Variants in PRKDC observed in about 807,000 individuals in gnomAD.
PRKDC encodes the protein protein kinase, DNA-activated, catalytic subunit.
Under a neutral mutation model 486.9 loss-of-function variants are expected in PRKDC, and 82 were observed. That is an observed-to-expected ratio of 0.17 (90% CI 0.14 to 0.20). The LOEUF is 0.20. PRKDC is among the 10% of genes least tolerant of loss of function. The pLI is 1.00. For missense variants in PRKDC, 4,504 were observed against 5,038.2 expected (o/e 0.89, Z 3.21); for synonymous variants, 1,895 against 1,837.0 (o/e 1.03, Z -0.81).
At chr8:47,835,320 T>C (rs1167921591) in intron 58 of PRKDC, among the ~76,000 whole-genome samples, 2 of 152,164 alleles carry the variant, frequency 1.3e-5, no homozygotes, top group African/African-American at 4.8e-5. Context: ...ATACTGAAAC[T>C]TTCCCTGATC....
At chr8:47,817,326 A>G in intron 68 of PRKDC, 124 bp downstream of exon 68, 1 of 667,440 alleles carries the variant, frequency 1.5e-6, no homozygotes, top group Non-Finnish European at 2.5e-6. Context: ...GGGAAACAGG[A>G]AGGATGGAAA....
chr8:47,841,158 C>T (rs775775409), intron 54 of PRKDC, among the ~76,000 whole-genome samples: 4 of 152,060 alleles, frequency 2.6e-5, no homozygotes, highest in Non-Finnish European at 5.9e-5. Context: ...ACAAGAGATC[C>T]CACAACCCCA....
chr8:47,807,250 C>T lies in PRKDC; in HGVS notation c.9634G>A (p.Gly3212Arg), dbSNP rs771804621. The T allele has an allele frequency of 6.2e-7, 1 of 1,613,652 alleles. No homozygotes were observed. Among genetic ancestry groups the T allele is most frequent in the African/African-American group, 1.3e-5 (1 of 75,006 alleles). Reference sequence around the variant, plus strand: ...ACTTCCATCCTGTCACTGGGGTCTCCATCTTGATCCACATTCATACTATTA... The same window carrying T: ...ACTTCCATCCTGTCACTGGGGTCTCTATCTTGATCCACATTCATACTATTA... ...EDNSMNVDQD[G>R]DPSDRMEVQE... Residue 3212 changes from glycine to arginine, a missense_variant, in exon 69 of 86, where the codon GGA becomes AGA. By Grantham distance (125) the Gly-to-Arg change is moderately radical. This residue lies in a region of PRKDC where 1,592 missense variants were observed against 1,724.6 expected (regional missense o/e 0.92). Transcript: ENST00000314191.
intron 80 of PRKDC, among the ~76,000 whole-genome samples, chr8:47,781,009 G>A (rs1002429225): frequency 6.6e-5 from 10 of 152,284 alleles, no homozygotes; most frequent in African/African-American, 2.4e-4. Flanking sequence ...GGTATTGGAA[G>A]TGCCCTGTAA....
chr8:47,859,840 G>A lies in PRKDC; in HGVS notation c.6059-81C>T. The A allele has an allele frequency of 4.5e-6, 6 of 1,336,344 alleles. 1 individual carries two copies. The South Asian group carries it at 6.8e-5, about 15-fold the overall frequency. 82.8% of individuals were successfully genotyped at this position (1,336,344 alleles called of 1,614,324 possible). ...GTATTTCTCTAAATTCAAATGATAT[G>A]AAAATTAAAGCACATTTTAATCTAA... On this transcript the variant is annotated intron_variant, in intron 45 of 85. Coordinates refer to ENST00000314191, the MANE Select transcript of PRKDC (RefSeq NM_006904.7).
chr8:47,955,984 T>G (rs764221267), intron 3 of PRKDC, 36 bp from the exon 4 acceptor site: 3 of 1,440,320 alleles, frequency 2.1e-6, no homozygotes, highest in African/African-American at 2.9e-5. Context: ...AAATCATCAA[T>G]AAGATATAAA....
At position 47,912,430 on chromosome 8, in the gene PRKDC, G is replaced by A; in HGVS notation, c.2914C>T (p.Leu972Phe). ...YKRTFPVLLRLACDVDQVTRQ... is the reference protein window; with the variant it reads ...YKRTFPVLLRFACDVDQVTRQ... ...CTTACCTGATCAACATCACACGCAAGTCGAAGCAGCACAGGAAACGTCCGC... is the reference window on the plus strand; with the variant it reads ...CTTACCTGATCAACATCACACGCAAATCGAAGCAGCACAGGAAACGTCCGC... The change falls in exon 25 of 86, where the codon CTT becomes TTT. Residue 972 changes from leucine to phenylalanine, a missense_variant. Leu to Phe is a conservative substitution (Grantham distance 22, BLOSUM62 0). This residue lies in a region of PRKDC where 1,969 missense variants were observed against 2,068.9 expected (regional missense o/e 0.95). Transcript: ENST00000314191. 6.3e-7 allele frequency: 1 copy of A among 1,595,910 alleles called. No homozygotes were observed. Among genetic ancestry groups the A allele is most frequent in the South Asian group, 1.1e-5 (1 of 88,360 alleles).
At chr8:47,954,935 T>G (rs1236995807) in intron 4 of PRKDC, among the ~76,000 whole-genome samples, 2 of 147,002 alleles carry the variant, frequency 1.4e-5, no homozygotes, top group African/African-American at 2.5e-5. Context: ...GCAGGCGGAT[T>G]ACGAGGTCAG....
chr8:47,840,004 T>G lies in PRKDC; in HGVS notation c.7454+12A>C. ...AAAAGTAACAAAATAAAATAGTCAA[T>G]GTATAGCTTACCTGTAATTATCATG... On this transcript the variant is annotated intron_variant, in intron 55 of 85. Coordinates refer to ENST00000314191, the MANE Select transcript of PRKDC (RefSeq NM_006904.7). 1 of 1,522,138 alleles carries G rather than the reference T, an allele frequency of 6.6e-7. No individual in the cohort carries two copies. Among genetic ancestry groups the G allele is most frequent in the East Asian group, 2.5e-5 (1 of 40,558 alleles). 94.3% of individuals were successfully genotyped at this position (1,522,138 alleles called of 1,614,324 possible).
chr8:47,831,049 A>T (rs142599191), intron 60 of PRKDC, among the ~76,000 whole-genome samples: 1 of 152,334 alleles, frequency 6.6e-6, no homozygotes, highest in Non-Finnish European at 1.5e-5. Flanking sequence ...TCTCACTGAG[A>T]ACGAGGCCGG....
At position 47,938,826 on chromosome 8, in the gene PRKDC, C is replaced by T. The variant is rs527246081; in HGVS notation, c.1113+725G>A. ...ATCTGCCCGCCTCGGCCTCCCAAAG[C>T]GGTGAGATGGTGAGATTACAGGTGT... On this transcript the variant is annotated intron_variant, in intron 11 of 85. Coordinates refer to ENST00000314191, the MANE Select transcript of PRKDC (RefSeq NM_006904.7). Among the ~76,000 whole-genome samples, 19 of 152,266 alleles carry T rather than the reference C, an allele frequency of 1.2e-4. No individual in the cohort carries two copies. The East Asian group carries it at 2.5e-3, about 20-fold the overall frequency.
intron 23 of PRKDC, 48 bp from the exon 24 acceptor site, chr8:47,914,112 T>TA: frequency 7.3e-7 from 1 of 1,366,826 alleles, no homozygotes; most frequent in Non-Finnish European, 9.5e-7. Context: ...TTCTTTTTAT[T>TA]AGTGTCAGAA....
intron 40 of PRKDC, among the ~76,000 whole-genome samples, chr8:47,873,390 A>T (rs1033885256): frequency 1.1e-4 from 17 of 152,092 alleles, no homozygotes; most frequent in African/African-American, 3.4e-4. Flanking sequence ...TACAAAAAAA[A>T]TGAGCTGGGC....
intron 80 of PRKDC, among the ~76,000 whole-genome samples, chr8:47,781,641 T>C (rs1220985361): frequency 1.3e-5 from 2 of 151,990 alleles, no homozygotes; most frequent in Admixed American, 1.3e-4. Context: ...TGTAGAAAAC[T>C]TGGAAAATAG....
intron 68 of PRKDC, among the ~76,000 whole-genome samples, chr8:47,810,524 C>T (rs933133242): frequency 7.2e-5 from 11 of 152,124 alleles, no homozygotes; most frequent in Admixed American, 5.9e-4. Flanking sequence ...ACTATATTCA[C>T]AAGTTACATT....
At chr8:47,830,787 C>T (rs1275958567) in intron 60 of PRKDC, 51 bp from the exon 61 acceptor site, 6 of 1,610,504 alleles carry the variant, frequency 3.7e-6, no homozygotes, top group African/African-American at 1.3e-5. Flanking sequence ...TTGAAGGAAA[C>T]TAGTCGTGCA....
rs2087094419 is a variant in PRKDC, at chr8:47,800,952, A to G, written c.9957T>C (p.Asn3319=). 8.7e-6 allele frequency: 14 copies of G among 1,613,910 alleles called. No homozygotes were observed. The highest frequency in any genetic ancestry group is 1.0e-5 in the Non-Finnish European group (12 of 1,179,906). The change falls in exon 71 of 86, where the codon AAT becomes AAC. Residue 3319 remains asparagine, a synonymous_variant. Transcript: ENST00000314191. Reference sequence around the variant, plus strand: ...TGTTCTGGTCACGGAAAGCCAGAATATTTTTGCTTAAGTAGCTTGACACGT... The same window carrying G: ...TGTTCTGGTCACGGAAAGCCAGAATGTTTTTGCTTAAGTAGCTTGACACGT... ...ENNVSSYLSK[N]ILAFRDQNIL...
chr8:47,939,866 G>T, intron 10 of PRKDC, 169 bp from the exon 11 acceptor site: 1 of 489,056 alleles, frequency 2.0e-6, no homozygotes, highest in Non-Finnish European at 3.3e-6. Context: ...GTCTCTATCA[G>T]GTTCAGAAAA....
chr8:47,929,919 G>A lies in PRKDC; in HGVS notation c.1986C>T (p.Leu662=). The A allele has an allele frequency of 1.2e-6, 2 of 1,608,622 alleles. No homozygotes were observed. The highest frequency in any genetic ancestry group is 1.7e-6 in the Non-Finnish European group (2 of 1,178,330). ...AAAGCAATTTGTAGAAACCACTGAT[G>A]AGGGGCAACCTTGTAGATTGCAAAA... The part of the protein sequence containing the change: ...ELILQSTRLP[L]ISGFYKLLSI... Residue 662 remains leucine, a synonymous_variant, in exon 18 of 86, where the codon CTC becomes CTT. Coordinates refer to ENST00000314191, the MANE Select transcript of PRKDC (RefSeq NM_006904.7).
Sources: allele counts gnomAD v4.1 joint callset (sites outside exome capture counted in the v4.1 genomes callset), GRCh38; gene constraint gnomAD v4.1.1; regional missense constraint gnomAD v4.1.1; transcripts MANE v1.5; gene names NCBI Gene and HGNC (gene_info 2026-07-23, HGNC 2026-07-21).